CCDC39: variants seen among roughly 807,000 people sequenced by gnomAD.
CCDC39 encodes coiled-coil domain-containing protein 39.
Under a neutral mutation model 121.0 loss-of-function variants are expected in CCDC39, and 113 were observed. That is an observed-to-expected ratio of 0.93 (90% CI 0.80 to 1.09). The LOEUF is 1.09. Among genes scored for constraint, CCDC39 ranks in the 50% least tolerant of loss-of-function variants. The probability of loss-of-function intolerance (pLI) is 0.00; values close to 1 mark genes in which losing one functional copy is unlikely to be tolerated. For missense variants in CCDC39, 1,063 were observed against 1,074.7 expected, an observed-to-expected ratio of 0.99 and a Z score of 0.15; for synonymous variants, 349 against 352.2, an observed-to-expected ratio of 0.99 and a Z score of 0.10.
intron 1 of CCDC39, among the ~76,000 whole-genome samples, chr3:180,675,296 A>G (rs1020718210): frequency 2.0e-5 from 3 of 152,200 alleles, no homozygotes; most frequent in Non-Finnish European, 4.4e-5. Context: ...TTCTGATGGT[A>G]GTTTATATTT....
chr3:180,654,988 T>C (rs565421077), intron 6 of CCDC39, 35 bp from the exon 7 acceptor site: 10 of 1,306,778 alleles, frequency 7.7e-6, no homozygotes, highest in Non-Finnish European at 9.2e-6. Context: ...CTTAAATATA[T>C]GTTTAAACTG....
At chr3:180,651,979 G>A (rs778421791) in intron 8 of CCDC39, among the ~76,000 whole-genome samples, 184 bp downstream of exon 8, 1 of 151,836 alleles carries the variant, frequency 6.6e-6, no homozygotes, top group Non-Finnish European at 1.5e-5. Context: ...GGAGCTTGCA[G>A]TGAGCTGAGA....
At chr3:180,635,261 T>C (rs1717796963) in intron 13 of CCDC39, among the ~76,000 whole-genome samples, 1 of 152,134 alleles carries the variant, frequency 6.6e-6, no homozygotes. Flanking sequence ...AGATTACAAT[T>C]GTAGATGAGA....
At position 180,619,885 on chromosome 3, in the gene CCDC39, A is replaced by G; in HGVS notation, c.2084T>C (p.Leu695Pro). 6.2e-7 allele frequency: 1 copy of G among 1,610,340 alleles called. No individual in the cohort carries two copies. Among genetic ancestry groups the G allele is most frequent in the Non-Finnish European group, 8.5e-7 (1 of 1,178,416 alleles). The change falls in exon 15 of 20, where the codon CTA becomes CCA. Residue 695 changes from leucine (L) to proline (P), a missense_variant. By Grantham distance (98) the Leu-to-Pro change is moderately conservative. Transcript: ENST00000476379. Reference sequence around the variant, plus strand: ...GTTCAGCACTTGAAGGGTATTTTCTAGAGCGTAGATTTCTTTTTCAGCTTT... The same window carrying G: ...GTTCAGCACTTGAAGGGTATTTTCTGGAGCGTAGATTTCTTTTTCAGCTTT... ...INKAEKEIYA[L>P]ENTLQVLNSC...
At chr3:180,669,499 T>C (rs1341695687) in intron 1 of CCDC39, among the ~76,000 whole-genome samples, 1 of 152,128 alleles carries the variant, frequency 6.6e-6, no homozygotes, top group East Asian at 1.9e-4. Context: ...TTTTATGTAA[T>C]TAATTCTTAA....
Position 180,652,281 on chromosome 3 carries a change from A to C in CCDC39, c.931-15T>G. 1.5e-5 allele frequency: 21 copies of C among 1,368,260 alleles called. No homozygotes were observed. Among genetic ancestry groups the C allele is most frequent in the Non-Finnish European group, 2.0e-5 (20 of 1,005,282 alleles). The allele number at this position is 1,368,260 out of a possible 1,614,324, so 84.8% of individuals were successfully genotyped here. On this transcript the variant is annotated splice_polypyrimidine_tract_variant and intron_variant, in intron 7 of 19. Coordinates refer to ENST00000476379, the MANE Select transcript of CCDC39 (RefSeq NM_181426.2). ...AAAGAATCCAGCTATTTATTAGTTA[A>C]CAGACAGAAATTATATATTTACTCT...
intron 1 of CCDC39, among the ~76,000 whole-genome samples, chr3:180,674,856 C>T (rs544872836): frequency 6.6e-5 from 10 of 152,212 alleles, no homozygotes; most frequent in East Asian, 3.9e-4. Flanking sequence ...ATAAGCTTTT[C>T]GATATGCTGC....
At chr3:180,636,072 CT>C (rs1717818773) in intron 13 of CCDC39, among the ~76,000 whole-genome samples, 1 of 152,154 alleles carries the variant, frequency 6.6e-6, no homozygotes, top group African/African-American at 2.4e-5. Flanking sequence ...TCTCGTCACT[CT>C]TAGTCAACAT....
In CCDC39 at chr3:180,648,284, TC is replaced by T. The variant is rs1553804220; in HGVS notation, c.1242del (p.Met414IlefsTer17). 6 of 1,613,190 alleles carry T rather than the reference TC, an allele frequency of 3.7e-6. No individual in the cohort carries two copies. The highest frequency in any genetic ancestry group is 5.1e-6 in the Non-Finnish European group (6 of 1,179,488). Reference protein sequence around the residue: ...KKAQELQTETMKEKAVLSEIE... With the variant: ...KKAQELQTETXKEKAVLSEIE... ...ATTTCTGATAAAACAGCTTTTTCTT[TC>T]ATTGTCTCAGTCTGTAACTCCTGAG... On this transcript the variant is annotated frameshift_variant, in exon 10 of 20. Coordinates refer to ENST00000476379, the MANE Select transcript of CCDC39 (RefSeq NM_181426.2). LOFTEE classifies it high-confidence loss of function.
intron 1 of CCDC39, among the ~76,000 whole-genome samples, chr3:180,676,592 T>C (rs975865445): frequency 4.6e-5 from 7 of 152,218 alleles, no homozygotes; most frequent in African/African-American, 1.4e-4. Context: ...TGGCGATTCC[T>C]GAAGGATCTA....
chr3:180,675,476 C>T (rs1214195383), intron 1 of CCDC39, among the ~76,000 whole-genome samples: 1 of 152,130 alleles, frequency 6.6e-6, no homozygotes, highest in African/African-American at 2.4e-5. Context: ...GTGTCTCTAT[C>T]TCCTTCAGTT....
chr3:180,661,871 CT>C lies in CCDC39; in HGVS notation c.346del (p.Ser116ValfsTer17). On this transcript the variant is annotated frameshift_variant, in exon 3 of 20. Transcript: ENST00000476379. LOFTEE classifies it high-confidence loss of function. ...NEMASILEKK[S>X]DKENGIFKAT... ...TATTTCAACATATACTTCTTTATCACTTTTCTTTTCCAGTATTGAAGCCATC... is the reference window on the plus strand; with the variant it reads ...TATTTCAACATATACTTCTTTATCACTTTCTTTTCCAGTATTGAAGCCATC... The C allele has an allele frequency of 6.3e-7, 1 of 1,582,338 alleles. No homozygotes were observed.
At chr3:180,634,607 G>A (rs893964558) in intron 13 of CCDC39, among the ~76,000 whole-genome samples, 25 of 152,264 alleles carry the variant, frequency 1.6e-4, no homozygotes, top group Non-Finnish European at 3.4e-4. Flanking sequence ...CAGAGCTGTG[G>A]TGGGCAGCCC....
rs1717962012 is a variant in CCDC39, at chr3:180,641,912, G to A, written c.1874+81C>T. The A allele has an allele frequency of 6.3e-6, 6 of 948,834 alleles. No homozygotes were observed. The South Asian group carries it at 8.1e-5, about 13-fold the overall frequency. 58.8% of individuals were successfully genotyped at this position (948,834 alleles called of 1,614,324 possible). A position where few individuals can be genotyped will look rare whatever the true frequency, so the allele number is the denominator to read the frequency against. On this transcript the variant is annotated intron_variant, in intron 13 of 19. Coordinates refer to ENST00000476379, the MANE Select transcript of CCDC39 (RefSeq NM_181426.2). ...GAATGAGTAAAAACGATGCACATCC[G>A]GGATGTTAGAGGGGGCAGCTAGTTC... is the stretch of plus-strand genomic sequence containing the variant.
At chr3:180,619,419 A>G (rs1717361222) in intron 15 of CCDC39, 54 bp from the exon 16 acceptor site, 5 of 852,670 alleles carry the variant, frequency 5.9e-6, no homozygotes, top group Non-Finnish European at 7.4e-6. Flanking sequence ...GTAGAAATCA[A>G]TTTTAAAGTA....
chr3:180,658,522 G>A (rs1311316974), intron 6 of CCDC39, among the ~76,000 whole-genome samples: 2 of 151,728 alleles, frequency 1.3e-5, no homozygotes, highest in Non-Finnish European at 2.9e-5. Flanking sequence ...GCGTGAACCC[G>A]GGAGGTGGAG....
intron 1 of CCDC39, among the ~76,000 whole-genome samples, chr3:180,676,184 A>G (rs1024780500): frequency 2.0e-5 from 3 of 152,264 alleles, no homozygotes; most frequent in African/African-American, 7.2e-5. Flanking sequence ...CAGCAAAAGA[A>G]ACTACCATCA....
chr3:180,676,580 T>C (rs1458584209), intron 1 of CCDC39, among the ~76,000 whole-genome samples: 1 of 152,210 alleles, frequency 6.6e-6, no homozygotes, highest in Non-Finnish European at 1.5e-5. Flanking sequence ...TGGAAGACAG[T>C]GTGGCGATTC....
Position 180,678,105 on chromosome 3 carries a change from G to C in CCDC39, c.90+1186C>G, listed in dbSNP as rs552433295. Among the ~76,000 whole-genome samples the C allele has an allele frequency of 2.0e-5, 3 of 152,258 alleles. No homozygotes were observed. The East Asian group carries it at 5.8e-4, about 29-fold the overall frequency. ...ATATTATGTCCCTAGAGCCCGCGAA[G>C]TAATTAGTTTGTTCATCTCCATCTC... On this transcript the variant is annotated intron_variant, in intron 1 of 19. Transcript: ENST00000476379.
Sources: allele counts gnomAD v4.1 joint callset (sites outside exome capture counted in the v4.1 genomes callset), GRCh38; gene constraint gnomAD v4.1.1; transcripts MANE v1.5; gene names NCBI Gene and HGNC (gene_info 2026-07-23, HGNC 2026-07-21).